Variants in OSBPL8 observed in about 807,000 individuals in gnomAD.
OSBPL8 encodes the protein oxysterol-binding protein-related protein 8.
OSBPL8 carries 59 observed loss-of-function variants against 125.5 expected under a neutral mutation model. The observed-to-expected ratio is 0.47, with a 90% CI of 0.38 to 0.58. The LOEUF (loss-of-function observed/expected upper bound fraction) is 0.58. OSBPL8 is among the 20% of genes least tolerant of loss of function. The pLI is 0.00. For missense variants in OSBPL8, 758 were observed against 1,047.8 expected (o/e 0.72, Z 3.82); for synonymous variants, 330 against 338.9 (o/e 0.97, Z 0.29).
At chr12:76,509,067 T>A (rs1880717412) in intron 1 of OSBPL8, among the ~76,000 whole-genome samples, 1 of 152,236 alleles carries the variant, frequency 6.6e-6, no homozygotes, top group Non-Finnish European at 1.5e-5. Flanking sequence ...GGGGTCTGGA[T>A]CAGGACCCCT....
intron 18 of OSBPL8, among the ~76,000 whole-genome samples, chr12:76,372,527 T>C (rs964289033): frequency 1.3e-5 from 2 of 152,114 alleles, no homozygotes; most frequent in Admixed American, 6.6e-5. Context: ...TTTATCTTTT[T>C]TCCAGAAGAC....
intron 1 of OSBPL8, among the ~76,000 whole-genome samples, chr12:76,506,969 C>A (rs1198079294): frequency 2.0e-5 from 3 of 148,808 alleles, no homozygotes; most frequent in Non-Finnish European, 4.4e-5. Flanking sequence ...GTATTTTAAA[C>A]AGTGTATATT....
chr12:76,408,980 T>C (rs905854065), intron 5 of OSBPL8, among the ~76,000 whole-genome samples: 2 of 151,394 alleles, frequency 1.3e-5, no homozygotes, highest in African/African-American at 4.9e-5. Flanking sequence ...ATTAATTGCT[T>C]GAAAATAGAT....
chr12:76,440,664 A>T (rs1872080638), intron 4 of OSBPL8, among the ~76,000 whole-genome samples: 1 of 152,204 alleles, frequency 6.6e-6, no homozygotes, highest in South Asian at 2.1e-4. Flanking sequence ...AATCAAGACC[A>T]AAACAGGCAA....
chr12:76,428,164 A>G (rs1870379202), intron 4 of OSBPL8, among the ~76,000 whole-genome samples: 1 of 152,078 alleles, frequency 6.6e-6, no homozygotes, highest in African/African-American at 2.4e-5. Context: ...GAGACCAACT[A>G]CATATATCAT....
At chr12:76,412,859 C>CA (rs920390941) in intron 4 of OSBPL8, among the ~76,000 whole-genome samples, 2 of 152,180 alleles carry the variant, frequency 1.3e-5, no homozygotes, top group African/African-American at 4.8e-5. Context: ...TGGAGCCTCT[C>CA]AAGACGCAAG....
At chr12:76,379,422 G>C (rs1353335532) in intron 15 of OSBPL8, among the ~76,000 whole-genome samples, 1 of 152,044 alleles carries the variant, frequency 6.6e-6, no homozygotes, top group Non-Finnish European at 1.5e-5. Context: ...CCCATTTTAA[G>C]TGTGAAATTT....
At chr12:76,455,785 G>T (rs1048386107) in intron 3 of OSBPL8, among the ~76,000 whole-genome samples, 2 of 152,164 alleles carry the variant, frequency 1.3e-5, no homozygotes, top group Admixed American at 1.3e-4. Flanking sequence ...AAGTTTAAGA[G>T]GGACAGTGAC....
chr12:76,531,652 T>C lies in OSBPL8; in HGVS notation c.-68+27745A>G, dbSNP rs1035676790. Among the ~76,000 whole-genome samples the C allele has an allele frequency of 2.0e-5, 3 of 152,164 alleles. No individual in the cohort carries two copies. In the East Asian group the frequency reaches 5.8e-4, roughly 29 times the overall value. On this transcript the variant is annotated intron_variant, in intron 1 of 23. Coordinates refer to ENST00000261183, the MANE Select transcript of OSBPL8 (RefSeq NM_020841.5). ...GAGATAACTGAATTAACAGGCCATGTAGTAAAACTTAAAATCAAATCCAGT... is the reference window on the plus strand; with the variant it reads ...GAGATAACTGAATTAACAGGCCATGCAGTAAAACTTAAAATCAAATCCAGT...
chr12:76,551,921 G>T (rs1173650010), intron 1 of OSBPL8, among the ~76,000 whole-genome samples: 2 of 152,036 alleles, frequency 1.3e-5, no homozygotes, highest in African/African-American at 2.4e-5. Context: ...ATCCATTGTG[G>T]GTATTCCTAT....
intron 17 of OSBPL8, among the ~76,000 whole-genome samples, 179 bp downstream of exon 17, chr12:76,375,094 G>T (rs1375831718): frequency 6.6e-6 from 1 of 152,066 alleles, no homozygotes; most frequent in Admixed American, 6.6e-5. Context: ...GCTATCTTAG[G>T]CTACCCGAAG....
At position 76,498,409 on chromosome 12, in the gene OSBPL8, A is replaced by C. The variant is rs534621010; in HGVS notation, c.-67-10791T>G. Among the ~76,000 whole-genome samples the C allele has an allele frequency of 3.9e-4, 60 of 152,356 alleles. 1 individual carries two copies. The South Asian group carries it at 0.011, about 28-fold the overall frequency. ...CTTAAGCAATGACTGATTAGAGCTG[A>C]GTAGCAGCCATCCACTTTACAAGGT... On this transcript the variant is annotated intron_variant, in intron 1 of 23. Coordinates refer to ENST00000261183, the MANE Select transcript of OSBPL8 (RefSeq NM_020841.5).
chr12:76,377,865 G>A (rs1952888854), intron 16 of OSBPL8, among the ~76,000 whole-genome samples: 1 of 152,056 alleles, frequency 6.6e-6, no homozygotes, highest in Admixed American at 6.6e-5. Flanking sequence ...TTCTAAAAAA[G>A]GGAATAATAA....
intron 1 of OSBPL8, among the ~76,000 whole-genome samples, chr12:76,528,616 T>C (rs1315999435): frequency 6.6e-6 from 1 of 151,926 alleles, no homozygotes; most frequent in Non-Finnish European, 1.5e-5. Flanking sequence ...AAAGGGTACA[T>C]CCTAAAATAA....
intron 21 of OSBPL8, among the ~76,000 whole-genome samples, chr12:76,361,610 A>G (rs991368584): frequency 6.6e-6 from 1 of 152,210 alleles, no homozygotes. Context: ...TGGGAAGAAA[A>G]GGAGGCTTAA....
chr12:76,438,956 C>T (rs956961133), intron 4 of OSBPL8, among the ~76,000 whole-genome samples: 35 of 152,216 alleles, frequency 2.3e-4, no homozygotes, highest in African/African-American at 7.0e-4. Flanking sequence ...CATATAAAAG[C>T]CTGATTTAAG....
rs140241328 is a variant in OSBPL8 at position 76,433,906 on chromosome 12, C to T, written c.217+16945G>A. Reference sequence around the variant, plus strand: ...AGGATAATTGCTTGAACCCAGGAGGCGGAGGTTGCAGTGAGCCAAGATCAT... The same window carrying T: ...AGGATAATTGCTTGAACCCAGGAGGTGGAGGTTGCAGTGAGCCAAGATCAT... On this transcript the variant is annotated intron_variant, in intron 4 of 23. Transcript: ENST00000261183. Among the ~76,000 whole-genome samples, 325 of 139,156 alleles carry T rather than the reference C, an allele frequency of 2.3e-3. 1 individual carries two copies. Among genetic ancestry groups the T allele is most frequent in the African/African-American group, 8.1e-3 (302 of 37,438 alleles). The allele number at this position is 139,156 out of a possible 152,430, so 91.3% of individuals were successfully genotyped here.
chr12:76,537,062 T>A (rs890265092), intron 1 of OSBPL8: 4 of 152,390 alleles, frequency 2.6e-5, no homozygotes, highest in Non-Finnish European at 5.9e-5. Flanking sequence ...GAAAAAAAAA[T>A]TATAATTATT....
intron 1 of OSBPL8, among the ~76,000 whole-genome samples, chr12:76,553,075 T>C (rs185597954): frequency 5.0e-4 from 76 of 152,260 alleles, no homozygotes; most frequent in African/African-American, 1.6e-3. Flanking sequence ...ACTTGAACAA[T>C]GTACCTGTGC....
Sources: gnomAD v4.1 joint callset for allele counts (sites outside exome capture counted in the v4.1 genomes callset) on GRCh38, gnomAD v4.1.1 for gene constraint, MANE v1.5 for transcripts, NCBI Gene and HGNC (gene_info 2026-07-23, HGNC 2026-07-21) for gene names.